The following RBM25 variants were observed in gnomAD, a reference collection of about 807,000 sequenced individuals.
RBM25 encodes the protein RNA-binding protein 25.
RBM25 carries 19 observed loss-of-function variants against 120.7 expected under a neutral mutation model. That is an observed-to-expected ratio of 0.16 (90% confidence interval 0.11 to 0.23). RBM25 has a LOEUF of 0.23. Among genes scored for constraint, RBM25 ranks in the 10% least tolerant of loss-of-function variants. The pLI, the probability that RBM25 is intolerant of heterozygous loss-of-function variation, is 1.00. For missense variants in RBM25, 605 were observed against 1,041.5 expected, an observed-to-expected ratio of 0.58 and a Z score of 5.77; for synonymous variants, 390 against 326.7, an observed-to-expected ratio of 1.19 and a Z score of -2.09.
At chr14:73,077,869 A>G (rs1895460204) in intron 4 of RBM25, among the ~76,000 whole-genome samples, 1 of 152,210 alleles carries the variant, frequency 6.6e-6, no homozygotes, top group Non-Finnish European at 1.5e-5. Flanking sequence ...ACTATCACAC[A>G]TGAAATTTGG....
chr14:73,101,987 C>T (rs970382622), intron 9 of RBM25: 1 of 152,218 alleles, frequency 6.6e-6, no homozygotes, highest in Admixed American at 6.5e-5. Flanking sequence ...TAGACTGGCA[C>T]AGCAACTGAA....
chr14:73,120,032 G>T lies in RBM25; in HGVS notation c.*227G>T. The T allele has an allele frequency of 9.6e-6, 4 of 416,234 alleles. No individual in the cohort carries two copies. The highest frequency in any genetic ancestry group is 1.6e-5 in the Non-Finnish European group (4 of 255,180). The allele number at this position is 416,234 out of a possible 1,614,324, so 25.8% of individuals were successfully genotyped here. Reference sequence around the variant, plus strand: ...TATACTCACCAGGTACAAATTACTGGTATGTTTTATAAGCCGCAGCTACTG... The same window carrying T: ...TATACTCACCAGGTACAAATTACTGTTATGTTTTATAAGCCGCAGCTACTG... On this transcript the variant is annotated 3_prime_UTR_variant, in exon 19 of 19. Transcript: ENST00000261973.
intron 1 of RBM25, 24 bp from the exon 2 acceptor site, chr14:73,071,603 T>A (rs1566583027): frequency 6.8e-7 from 1 of 1,470,840 alleles, no homozygotes; most frequent in South Asian, 1.2e-5. Context: ...AATAAAATGA[T>A]TTGTCATGTC....
At chr14:73,071,556 G>A in intron 1 of RBM25, 71 bp from the exon 2 acceptor site, 1 of 1,093,074 alleles carries the variant, frequency 9.1e-7, no homozygotes, top group Non-Finnish European at 1.4e-6. Context: ...AAAAATGAAA[G>A]TCAACAAAGA....
In RBM25 at chr14:73,123,817, C is replaced by G. The variant is rs1228850389; in HGVS notation, c.*4012C>G. On this transcript the variant is annotated 3_prime_UTR_variant, in exon 19 of 19. Transcript: ENST00000261973. ...GAAGGCGAAATTAAAGAATGGCAGT[C>G]TAAAATACCCAGGTAAAGAAGATAA... 2 of 151,856 alleles carry G rather than the reference C, an allele frequency of 1.3e-5. No homozygotes were observed. The highest frequency in any genetic ancestry group is 2.9e-5 in the Non-Finnish European group (2 of 67,980). The allele number at this position is 151,856 out of a possible 1,614,324, so 9.4% of individuals were successfully genotyped here.
At chr14:73,065,870 T>TTTTTTTTTTTTTTTTTTTTGAGACGG (rs1895120537) in intron 1 of RBM25, among the ~76,000 whole-genome samples, 1 of 152,056 alleles carries the variant, frequency 6.6e-6, no homozygotes, top group African/African-American at 2.4e-5. Flanking sequence ...TTTTAGTTTT[T>TTTTTTTTTTTTTTTTTTTTGAGACGG]AAGCATTATT....
intron 17 of RBM25, among the ~76,000 whole-genome samples, chr14:73,113,586 G>T (rs762203787): frequency 6.6e-6 from 1 of 151,910 alleles, no homozygotes; most frequent in Admixed American, 6.5e-5. Context: ...AGCTACTCGG[G>T]AGGCTGAGGC....
At chr14:73,116,424 T>C (rs1019274571) in intron 18 of RBM25, among the ~76,000 whole-genome samples, 3 of 152,214 alleles carry the variant, frequency 2.0e-5, no homozygotes, top group African/African-American at 7.2e-5. Context: ...TTGTGAGGTC[T>C]AGCTGCTTTG....
chr14:73,068,495 C>A, intron 1 of RBM25: 1 of 893,802 alleles, frequency 1.1e-6, no homozygotes, highest in Non-Finnish European at 1.8e-6. Flanking sequence ...TGTCAGTGTG[C>A]CGCATGTTGT....
chr14:73,111,068 T>A lies in RBM25; in HGVS notation c.1930T>A (p.Cys644Ser), dbSNP rs1896301274. The A allele has an allele frequency of 1.2e-6, 2 of 1,614,084 alleles. No homozygotes were observed. The highest frequency in any genetic ancestry group is 4.5e-5 in the East Asian group (2 of 44,894). Residue 644 changes from cysteine (C) to serine (S), a missense_variant, in exon 15 of 19, where the codon TGT becomes AGT. This residue lies in a region of RBM25 where 465 missense variants were observed against 741.6 expected (regional missense o/e 0.63). Transcript: ENST00000261973. ...TPNTPGDESPCGIIIPHENSP... is the reference protein window; with the variant it reads ...TPNTPGDESPSGIIIPHENSP... ...TAACACTCCTGGGGATGAGTCTCCC[T>A]GTGGTATTATTATTCCTCATGAAAA... is the stretch of plus-strand genomic sequence containing the variant.
chr14:73,065,801 C>T (rs149844627), intron 1 of RBM25, among the ~76,000 whole-genome samples: 13 of 148,142 alleles, frequency 8.8e-5, no homozygotes, highest in Non-Finnish European at 1.3e-4. Flanking sequence ...GTGATCTGCC[C>T]GCCTTGGCCT....
At chr14:73,106,935 C>G (rs1019974548) in intron 12 of RBM25, among the ~76,000 whole-genome samples, 1 of 151,220 alleles carries the variant, frequency 6.6e-6, no homozygotes, top group Non-Finnish European at 1.5e-5. Flanking sequence ...CAGGTTCAAG[C>G]GATAAGCGAT....
At chr14:73,078,079 G>A (rs953848194) in intron 4 of RBM25, among the ~76,000 whole-genome samples, 2 of 152,150 alleles carry the variant, frequency 1.3e-5, no homozygotes, top group African/African-American at 4.8e-5. Context: ...GAGGTGGGCA[G>A]ATCATTTGTG....
Position 73,120,900 on chromosome 14 carries a change from T to G in RBM25, c.*1095T>G, listed in dbSNP as rs1896528684. ...ATAAAGGTAAATCATTCAAGGCAGT[T>G]ACCAACCACTAACTATTTGTTTTCA... On this transcript the variant is annotated 3_prime_UTR_variant, in exon 19 of 19. Coordinates refer to ENST00000261973, the MANE Select transcript of RBM25 (RefSeq NM_021239.3). 6.6e-6 allele frequency: 1 copy of G among 152,182 alleles called. No individual in the cohort carries two copies. Among genetic ancestry groups the G allele is most frequent in the East Asian group, 1.9e-4 (1 of 5,204 alleles). 9.4% of individuals were successfully genotyped at this position (152,182 alleles called of 1,614,324 possible). A position where few individuals can be genotyped will look rare whatever the true frequency, so the allele number is the denominator to read the frequency against.
intron 6 of RBM25, 37 bp from the exon 7 acceptor site, chr14:73,096,878 G>T: frequency 6.3e-7 from 1 of 1,579,294 alleles, no homozygotes; most frequent in South Asian, 1.1e-5. Context: ...TTTCTTGCTT[G>T]ATTTTTCTTT....
At chr14:73,062,554 T>G (rs566497241) in intron 1 of RBM25, among the ~76,000 whole-genome samples, 1 of 151,594 alleles carries the variant, frequency 6.6e-6, no homozygotes, top group South Asian at 2.1e-4. Context: ...TTTGCTGTAT[T>G]TTGCATACTT....
Position 73,119,982 on chromosome 14 carries a change from A to C in RBM25, c.*177A>C. 1.1e-6 allele frequency: 1 copy of C among 890,374 alleles called. No individual in the cohort carries two copies. Among genetic ancestry groups the C allele is most frequent in the Admixed American group, 3.8e-5 (1 of 26,118 alleles). The allele number at this position is 890,374 out of a possible 1,614,324, so 55.2% of individuals were successfully genotyped here. A position where few individuals can be genotyped will look rare whatever the true frequency, so the allele number is the denominator to read the frequency against. The stretch of plus-strand genomic sequence containing the variant: ...GCCCTGTGTACTCCCTTGGTTGTAA[A>C]GTCATCTGAATCCTTGGTTCTCTTT... On this transcript the variant is annotated 3_prime_UTR_variant, in exon 19 of 19. Coordinates refer to ENST00000261973, the MANE Select transcript of RBM25 (RefSeq NM_021239.3).
intron 6 of RBM25, among the ~76,000 whole-genome samples, chr14:73,088,708 C>A (rs977269786): frequency 6.6e-6 from 1 of 152,148 alleles, no homozygotes; most frequent in Non-Finnish European, 1.5e-5. Flanking sequence ...GTATATATTT[C>A]CTTCATTTCT....
chr14:73,103,140 T>C lies in RBM25; in HGVS notation c.868-52T>C. 3 of 1,563,748 alleles carry C rather than the reference T, an allele frequency of 1.9e-6. No individual in the cohort carries two copies. The South Asian group carries it at 3.7e-5, about 19-fold the overall frequency. ...ACTGGGCTTTGCGCCGGGAAAAATC[T>C]GAATACTGGAGCTACAGAGTTAACT... On this transcript the variant is annotated intron_variant, in intron 9 of 18. Coordinates refer to ENST00000261973, the MANE Select transcript of RBM25 (RefSeq NM_021239.3).
Sources: gnomAD v4.1 joint callset for allele counts (sites outside exome capture counted in the v4.1 genomes callset) on GRCh38, gnomAD v4.1.1 for gene constraint, gnomAD v4.1.1 regional missense constraint, MANE v1.5 for transcripts, NCBI Gene and HGNC (gene_info 2026-07-23, HGNC 2026-07-21) for gene names.